CSMD1: variants seen among roughly 807,000 people sequenced by gnomAD.
CSMD1 encodes CUB and Sushi multiple domains 1, also known as CUB and sushi domain-containing protein 1.
In CSMD1, 213 loss-of-function variants were observed where a neutral mutation model predicts 417.5. The ratio of observed to expected loss-of-function variants is 0.51; its 90% CI spans 0.46 to 0.57. CSMD1 has a LOEUF of 0.57. Among genes scored for constraint, CSMD1 ranks in the 20% least tolerant of loss-of-function variants. CSMD1 has a pLI of 0.00. For missense variants in CSMD1, 6,923 were observed against 4,529.7 expected, an observed-to-expected ratio of 1.53 and a Z score of -15.17; for synonymous variants, 2,862 against 1,736.8, an observed-to-expected ratio of 1.65 and a Z score of -16.11.
chr8:4,410,516 CAG>C (rs1554466513), intron 3 of CSMD1, among the ~76,000 whole-genome samples: 1 of 152,142 alleles, frequency 6.6e-6, no homozygotes, highest in Non-Finnish European at 1.5e-5. Context: ...ATAAGAGAGA[CAG>C]AAAGAGACTA....
chr8:4,116,895 A>C (rs961249848), intron 3 of CSMD1, among the ~76,000 whole-genome samples: 6 of 152,080 alleles, frequency 3.9e-5, no homozygotes, highest in Non-Finnish European at 8.8e-5. Context: ...GCTTTCTGAA[A>C]TCAGAAAGTG....
Position 4,359,730 on chromosome 8 carries a change from C to G in CSMD1, c.415+60223G>C, listed in dbSNP as rs1801642636. Among the ~76,000 whole-genome samples, 3 of 152,150 alleles carry G rather than the reference C, an allele frequency of 2.0e-5. No individual in the cohort carries two copies. The South Asian group carries it at 6.2e-4, about 32-fold the overall frequency. ...TTGTCTATAGACAGGAGCACTGTGGCCTGGCCCACTTCTACATTCATTCCA... is the reference window on the plus strand; with the variant it reads ...TTGTCTATAGACAGGAGCACTGTGGGCTGGCCCACTTCTACATTCATTCCA... On this transcript the variant is annotated intron_variant, in intron 3 of 69. Coordinates refer to ENST00000635120, the MANE Select transcript of CSMD1 (RefSeq NM_033225.6).
At position 4,728,382 on chromosome 8, in the gene CSMD1, G is replaced by A. The variant is rs6983988; in HGVS notation, c.86-90824C>T. Among the ~76,000 whole-genome samples the A allele has an allele frequency of 3.8e-3, 573 of 152,022 alleles. 2 individuals carry two copies. Among genetic ancestry groups the A allele is most frequent in the African/African-American group, 0.013 (549 of 41,484 alleles). On this transcript the variant is annotated intron_variant, in intron 1 of 69. Coordinates refer to ENST00000635120, the MANE Select transcript of CSMD1 (RefSeq NM_033225.6). ...GTCCTCATTACATGATATAAGGGACGTATTTAGGGGAGTTTAGTTTGGAGA... is the reference window on the plus strand; with the variant it reads ...GTCCTCATTACATGATATAAGGGACATATTTAGGGGAGTTTAGTTTGGAGA...
At chr8:4,471,363 G>A (rs1232205869) in intron 2 of CSMD1, among the ~76,000 whole-genome samples, 3 of 152,172 alleles carry the variant, frequency 2.0e-5, no homozygotes, top group African/African-American at 4.8e-5. Flanking sequence ...AGAAGACATT[G>A]GGTTAGACTA....
At chr8:4,639,056 A>G (rs1487485142) in intron 1 of CSMD1, among the ~76,000 whole-genome samples, 1 of 151,890 alleles carries the variant, frequency 6.6e-6, no homozygotes, top group Non-Finnish European at 1.5e-5. Flanking sequence ...CACCTATTCT[A>G]TTTTTACCAC....
chr8:4,918,896 G>A (rs1585326671), intron 1 of CSMD1, among the ~76,000 whole-genome samples: 2 of 152,144 alleles, frequency 1.3e-5, no homozygotes, highest in East Asian at 3.9e-4. Flanking sequence ...TTTTAAATAA[G>A]TGAGTTTTAA....
Position 3,332,105 on chromosome 8 carries a change from G to A in CSMD1, c.3631+11189C>T, listed in dbSNP as rs186946178. On this transcript the variant is annotated intron_variant, in intron 23 of 69. Coordinates refer to ENST00000635120, the MANE Select transcript of CSMD1 (RefSeq NM_033225.6). ...TGACAGACACATGATAGATACGTAG[G>A]GATAGATGATAGATGATGACAGGTA... is the stretch of plus-strand genomic sequence containing the variant. Among the ~76,000 whole-genome samples, 121 of 152,250 alleles carry A rather than the reference G, an allele frequency of 7.9e-4. No homozygotes were observed. The South Asian group carries it at 0.016, about 20-fold the overall frequency.
intron 12 of CSMD1, among the ~76,000 whole-genome samples, chr8:3,422,779 C>T (rs558510545): frequency 1.3e-5 from 2 of 152,260 alleles, no homozygotes; most frequent in Admixed American, 6.5e-5. Flanking sequence ...ATGTATTTCT[C>T]ATGGTTCAAG....
intron 3 of CSMD1, among the ~76,000 whole-genome samples, chr8:4,410,112 T>G (rs1796567816): frequency 6.6e-6 from 1 of 152,036 alleles, no homozygotes; most frequent in Admixed American, 6.6e-5. Flanking sequence ...CCGTACCCGG[T>G]CCCATACTTT....
intron 50 of CSMD1, among the ~76,000 whole-genome samples, chr8:3,048,883 A>G (rs1326400660): frequency 6.6e-6 from 1 of 152,136 alleles, no homozygotes; most frequent in Admixed American, 6.5e-5. Flanking sequence ...CTTAAAAAAA[A>G]AAAAAGGAAG....
chr8:3,948,082 T>G (rs912925112), intron 5 of CSMD1, among the ~76,000 whole-genome samples: 3 of 152,134 alleles, frequency 2.0e-5, no homozygotes, highest in African/African-American at 7.2e-5. Context: ...GGCAAGTGCC[T>G]TTAATCCCAG....
intron 10 of CSMD1, among the ~76,000 whole-genome samples, chr8:3,541,108 A>C (rs988969459): frequency 1.3e-5 from 2 of 152,248 alleles, no homozygotes; most frequent in Non-Finnish European, 2.9e-5. Context: ...TATTCACAAC[A>C]GCAAAGACAT....
At chr8:3,888,663 T>C (rs1047369826) in intron 5 of CSMD1, among the ~76,000 whole-genome samples, 26 of 152,070 alleles carry the variant, frequency 1.7e-4, no homozygotes, top group East Asian at 5.8e-4. Context: ...ATTAATCTCA[T>C]TGTGCACTGA....
chr8:4,409,340 T>C (rs753643378), intron 3 of CSMD1, among the ~76,000 whole-genome samples: 3 of 152,178 alleles, frequency 2.0e-5, no homozygotes, highest in Non-Finnish European at 4.4e-5. Context: ...TATGTCATTC[T>C]CTCACATCTT....
intron 12 of CSMD1, among the ~76,000 whole-genome samples, chr8:3,433,035 T>G (rs1814320977): frequency 6.6e-6 from 1 of 152,056 alleles, no homozygotes; most frequent in Admixed American, 6.5e-5. Flanking sequence ...ATTGAAAAAA[T>G]AAATTTACTT....
intron 65 of CSMD1, among the ~76,000 whole-genome samples, chr8:2,953,583 G>C (rs1437721177): frequency 2.6e-5 from 4 of 152,026 alleles, no homozygotes; most frequent in African/African-American, 7.2e-5. Flanking sequence ...AATATAATTT[G>C]GGATACATTT....
intron 20 of CSMD1, 55 bp downstream of exon 20, chr8:3,366,977 C>A (rs1425918663): frequency 3.0e-6 from 4 of 1,341,798 alleles, no homozygotes; most frequent in South Asian, 1.2e-5. Flanking sequence ...TTCTCACTAA[C>A]AGAAATGGCA....
chr8:4,884,800 T>C (rs1189009314), intron 1 of CSMD1, among the ~76,000 whole-genome samples: 2 of 152,056 alleles, frequency 1.3e-5, no homozygotes, highest in Admixed American at 6.5e-5. Flanking sequence ...GAAGCATGAG[T>C]TCTCTAACTT....
intron 5 of CSMD1, among the ~76,000 whole-genome samples, chr8:3,836,470 G>A (rs1802709638): frequency 6.6e-6 from 1 of 152,250 alleles, no homozygotes; most frequent in Middle Eastern, 3.4e-3. Flanking sequence ...CTGTAGAGGA[G>A]ATGTAGCAGA....
Sources: allele counts gnomAD v4.1 joint callset (sites outside exome capture counted in the v4.1 genomes callset), GRCh38; gene constraint gnomAD v4.1.1; transcripts MANE v1.5; gene names NCBI Gene and HGNC (gene_info 2026-07-23, HGNC 2026-07-21).